CTNND2: variants seen among roughly 807,000 people sequenced by gnomAD.
The protein encoded by CTNND2 is catenin delta 2.
Under a neutral mutation model 144.4 loss-of-function variants are expected in CTNND2, and 22 were observed. The observed-to-expected ratio is 0.15, with a 90% CI of 0.11 to 0.22. The LOEUF is 0.22. Ranked by LOEUF, CTNND2 falls within the 10% of genes least tolerant of loss-of-function variation. The pLI is 1.00. For missense variants in CTNND2, 1,353 were observed against 1,618.8 expected, an observed-to-expected ratio of 0.84 and a Z score of 2.82; for synonymous variants, 751 against 695.6, an observed-to-expected ratio of 1.08 and a Z score of -1.25.
At chr5:11,128,883 CATAA>C (rs1402067910) in intron 12 of CTNND2, among the ~76,000 whole-genome samples, 4 of 47,636 alleles carry the variant, frequency 8.4e-5, no homozygotes, top group African/African-American at 1.3e-4. Flanking sequence ...ATATATAATA[CATAA>C]ATATATATTA....
intron 8 of CTNND2, among the ~76,000 whole-genome samples, chr5:11,351,395 T>C (rs1755333277): frequency 1.3e-5 from 2 of 152,304 alleles, no homozygotes; most frequent in East Asian, 3.9e-4. Context: ...TCGGGAGATA[T>C]AACAAATAGC....
chr5:11,182,393 A>G (rs1162324131), intron 11 of CTNND2, among the ~76,000 whole-genome samples: 1 of 151,864 alleles, frequency 6.6e-6, no homozygotes, highest in African/African-American at 2.4e-5. Flanking sequence ...ACCTGTATAT[A>G]TATGTCTGTG....
chr5:11,725,087 G>C (rs929957257), intron 2 of CTNND2, among the ~76,000 whole-genome samples: 1 of 152,174 alleles, frequency 6.6e-6, no homozygotes, highest in South Asian at 2.1e-4. Flanking sequence ...AGCTCATTTA[G>C]AGCCCAGGGC....
chr5:11,038,265 A>C (rs752456237), intron 16 of CTNND2, among the ~76,000 whole-genome samples: 25 of 152,136 alleles, frequency 1.6e-4, no homozygotes, highest in Admixed American at 7.9e-4. Context: ...ACACAGCAGG[A>C]GGTGAGCAGC....
chr5:11,088,530 T>C (rs569286330), intron 15 of CTNND2, among the ~76,000 whole-genome samples: 144 of 152,326 alleles, frequency 9.5e-4, no homozygotes, highest in Middle Eastern at 3.4e-3. Context: ...TTAAACATAG[T>C]GCCTCATGGG....
chr5:10,973,399 G>A lies in CTNND2; in HGVS notation c.*54C>T, dbSNP rs1006953116. 13 of 1,468,872 alleles carry A rather than the reference G, an allele frequency of 8.9e-6. No individual in the cohort carries two copies. The highest frequency in any genetic ancestry group is 1.2e-5 in the Non-Finnish European group (13 of 1,108,450). The allele number at this position is 1,468,872 out of a possible 1,614,324, so 91.0% of individuals were successfully genotyped here. A position where few individuals can be genotyped will look rare whatever the true frequency, so the allele number is the denominator to read the frequency against. ...AGAAAAAAACAAAACAGAAAGAAAT[G>A]TCTTGTGGTATGCATGCACATGCAC... On this transcript the variant is annotated 3_prime_UTR_variant, in exon 22 of 22. Coordinates refer to ENST00000304623, the MANE Select transcript of CTNND2 (RefSeq NM_001332.4). This position sits in a 1 kb window ranked among gnomAD's most constrained non-coding sequence, Gnocchi z 5.6.
chr5:11,774,430 TG>T (rs1287141676), intron 1 of CTNND2, among the ~76,000 whole-genome samples: 1 of 146,292 alleles, frequency 6.8e-6, no homozygotes, highest in Non-Finnish European at 1.5e-5. Context: ...GGGATAGCAC[TG>T]GGAGATATAC....
chr5:11,167,230 T>G (rs1759427405), intron 11 of CTNND2, among the ~76,000 whole-genome samples: 1 of 152,142 alleles, frequency 6.6e-6, no homozygotes, highest in South Asian at 2.1e-4. Flanking sequence ...AGTGCCATGG[T>G]CCATAACACC....
At chr5:11,429,611 T>C (rs2149870999) in intron 3 of CTNND2, among the ~76,000 whole-genome samples, 1 of 152,226 alleles carries the variant, frequency 6.6e-6, no homozygotes, top group African/African-American at 2.4e-5. Context: ...ATGAAATGAG[T>C]TGGTGGTGTT....
chr5:10,999,018 C>A (rs1186706654), intron 18 of CTNND2, among the ~76,000 whole-genome samples: 2 of 152,200 alleles, frequency 1.3e-5, no homozygotes, highest in Admixed American at 1.3e-4. Context: ...TAGGGTGCAG[C>A]TGGCCCATGG....
At chr5:11,233,269 G>T (rs1741244597) in intron 10 of CTNND2, among the ~76,000 whole-genome samples, 1 of 151,970 alleles carries the variant, frequency 6.6e-6, no homozygotes, top group Non-Finnish European at 1.5e-5. Context: ...TCTCAAAATT[G>T]CACATATAAG....
At position 11,047,710 on chromosome 5, in the gene CTNND2, C is replaced by T. The variant is rs183964411; in HGVS notation, c.2789-24731G>A. 4.4e-3 allele frequency among the ~76,000 whole-genome samples: 671 copies of T among 152,268 alleles called. 19 individuals are homozygous for T. The highest frequency in any genetic ancestry group is 1.1e-3 in the Non-Finnish European group (78 of 68,022). On this transcript the variant is annotated intron_variant, in intron 16 of 21. Coordinates refer to ENST00000304623, the MANE Select transcript of CTNND2 (RefSeq NM_001332.4). ...GCAGAAGTAGGCTGGGGGCACAAGA[C>T]TGTGAGTGCCATTTTTTCTGTTGAC...
intron 1 of CTNND2, among the ~76,000 whole-genome samples, chr5:11,839,166 A>T (rs899907446): frequency 3.3e-5 from 5 of 152,054 alleles, no homozygotes; most frequent in African/African-American, 9.7e-5. Flanking sequence ...ACAGTGGTAC[A>T]GATGGACATT....
chr5:11,872,280 T>G (rs564267703), intron 1 of CTNND2, among the ~76,000 whole-genome samples: 1 of 152,330 alleles, frequency 6.6e-6, no homozygotes, highest in African/African-American at 2.4e-5. Flanking sequence ...ATCCAGTCTA[T>G]CACTGATGGG....
intron 3 of CTNND2, among the ~76,000 whole-genome samples, chr5:11,487,448 T>C (rs1768938057): frequency 6.6e-6 from 1 of 152,114 alleles, no homozygotes; most frequent in Admixed American, 6.6e-5. Flanking sequence ...AGTTTACGTC[T>C]TGTAGGGGCA....
At chr5:11,353,781 C>A (rs1379070498) in intron 8 of CTNND2, among the ~76,000 whole-genome samples, 5 of 148,604 alleles carry the variant, frequency 3.4e-5, no homozygotes, top group African/African-American at 1.2e-4. Context: ...CTGGCCTGGG[C>A]GACAAGAGCA....
At chr5:11,539,530 A>G (rs1774533520) in intron 3 of CTNND2, among the ~76,000 whole-genome samples, 1 of 152,232 alleles carries the variant, frequency 6.6e-6, no homozygotes, top group South Asian at 2.1e-4. Context: ...GTTGCTGTCT[A>G]GGAAACCATT....
Position 11,384,972 on chromosome 5 carries a change from G to T in CTNND2, c.870C>A (p.Ala290=). 6.5e-7 allele frequency: 1 copy of T among 1,543,770 alleles called. No individual in the cohort carries two copies. ...LQRGGSAPEG[A]TYAAPRGSSP... Reference sequence around the variant, plus strand: ...AGGAGCCGCGCGGCGCGGCGTAGGTGGCGCCCTCGGGGGCCGAGCCGCCGC... The same window carrying T: ...AGGAGCCGCGCGGCGCGGCGTAGGTTGCGCCCTCGGGGGCCGAGCCGCCGC... Residue 290 remains alanine, a synonymous_variant, in exon 7 of 22, where the codon GCC becomes GCA. Coordinates refer to ENST00000304623, the MANE Select transcript of CTNND2 (RefSeq NM_001332.4). The surrounding 1 kb of genome is among the most constrained non-coding windows in gnomAD (Gnocchi z 5.2).
At chr5:11,443,322 TGTGTGTGTG>T (rs1764483271) in intron 3 of CTNND2, among the ~76,000 whole-genome samples, 1 of 89,776 alleles carries the variant, frequency 1.1e-5, no homozygotes. Flanking sequence ...TGTGTGTGCA[TGTGTGTGTG>T]GTGTGTGTGG....
Sources: allele counts gnomAD v4.1 joint callset (sites outside exome capture counted in the v4.1 genomes callset), GRCh38; gene constraint gnomAD v4.1.1; non-coding constraint Gnocchi (gnomAD v3.1); transcripts MANE v1.5; gene names NCBI Gene and HGNC (gene_info 2026-07-23, HGNC 2026-07-21).